WDR7: variants seen among roughly 807,000 people sequenced by gnomAD.
WDR7 encodes WD repeat-containing protein 7.
In WDR7, 46 loss-of-function variants were observed where a neutral mutation model predicts 169.4. The ratio of observed to expected loss-of-function variants is 0.27; its 90% CI spans 0.21 to 0.35. The LOEUF (loss-of-function observed/expected upper bound fraction) is 0.35, where lower values mean the gene tolerates loss of function less well. WDR7 is among the 10% of genes least tolerant of loss of function. WDR7 has a pLI of 1.00. For missense variants in WDR7, 1,534 were observed against 1,859.3 expected (o/e 0.83, Z 3.22); for synonymous variants, 612 against 666.8 (o/e 0.92, Z 1.27).
chr18:56,836,957 C>T (rs1297606627), intron 20 of WDR7, among the ~76,000 whole-genome samples: 3 of 152,140 alleles, frequency 2.0e-5, no homozygotes, highest in Non-Finnish European at 4.4e-5. Flanking sequence ...TCAAAGATGA[C>T]TTCTCAGAGC....
At chr18:56,779,597 T>G (rs2044289100) in intron 18 of WDR7, 48 bp downstream of exon 18, 1 of 1,441,858 alleles carries the variant, frequency 6.9e-7, no homozygotes, top group Non-Finnish European at 9.7e-7. Context: ...TAAAAAGGCA[T>G]TGGTCAAATG....
At chr18:56,978,301 A>G (rs1288553254) in intron 26 of WDR7, among the ~76,000 whole-genome samples, 1 of 152,148 alleles carries the variant, frequency 6.6e-6, no homozygotes, top group Non-Finnish European at 1.5e-5. Flanking sequence ...GGATAAGACA[A>G]TTTTTTAAAA....
chr18:56,789,264 T>C (rs1599044703), intron 19 of WDR7, among the ~76,000 whole-genome samples: 2 of 152,382 alleles, frequency 1.3e-5, no homozygotes, highest in African/African-American at 4.8e-5. Context: ...TTAATAAGTC[T>C]TGAACATTAG....
At chr18:56,874,644 A>G (rs929813926) in intron 20 of WDR7, among the ~76,000 whole-genome samples, 1 of 152,146 alleles carries the variant, frequency 6.6e-6, no homozygotes, top group Non-Finnish European at 1.5e-5. Context: ...ATGTTTCATA[A>G]CTAAACTTTT....
chr18:56,686,045 A>C lies in WDR7; in HGVS notation c.597+13A>C. ...AAGTGACATGCAGGTGAGAAAAAGG[A>C]AACTGGGGTGATTTCTCTGTTTTTA... On this transcript the variant is annotated intron_variant, in intron 6 of 27. Transcript: ENST00000254442. The C allele has an allele frequency of 3.8e-6, 6 of 1,582,106 alleles. No individual in the cohort carries two copies. The highest frequency in any genetic ancestry group is 5.1e-6 in the Non-Finnish European group (6 of 1,169,394).
At chr18:56,772,485 T>G (rs1180950536) in intron 16 of WDR7, among the ~76,000 whole-genome samples, 2 of 151,932 alleles carry the variant, frequency 1.3e-5, no homozygotes, top group African/African-American at 4.8e-5. Flanking sequence ...TATCGAGGGG[T>G]TTAACTTAGA....
intron 1 of WDR7, among the ~76,000 whole-genome samples, chr18:56,666,797 G>T (rs520835): frequency 1.8e-4 from 27 of 151,836 alleles, no homozygotes; most frequent in Non-Finnish European, 8.8e-5. Flanking sequence ...GTGTGATCTT[G>T]AGAGAGTTGC....
In WDR7 at chr18:57,027,393, A is replaced by G; in HGVS notation, c.*186A>G. On this transcript the variant is annotated 3_prime_UTR_variant, in exon 28 of 28. Transcript: ENST00000254442. ...CAGAACCCGCTCGTGCCATCTGTCG[A>G]TTCAGAGGCACGCACACATGCTCTG... The G allele has an allele frequency of 1.5e-6, 1 of 685,672 alleles. No homozygotes were observed. Among genetic ancestry groups the G allele is most frequent in the Non-Finnish European group, 2.4e-6 (1 of 414,866 alleles). 42.5% of individuals were successfully genotyped at this position (685,672 alleles called of 1,614,324 possible). A position where few individuals can be genotyped will look rare whatever the true frequency, so the allele number is the denominator to read the frequency against.
intron 14 of WDR7, among the ~76,000 whole-genome samples, chr18:56,743,608 G>C (rs2043653616): frequency 1.3e-5 from 2 of 152,202 alleles, no homozygotes; most frequent in Admixed American, 6.5e-5. Flanking sequence ...GTCTTCCCAG[G>C]ATGTTGGAAG....
chr18:56,886,220 G>GT (rs1251259011), intron 21 of WDR7, among the ~76,000 whole-genome samples: 1 of 152,182 alleles, frequency 6.6e-6, no homozygotes, highest in Non-Finnish European at 1.5e-5. Context: ...CTTAAGAGCT[G>GT]TGAGGCAAAA....
At chr18:56,658,949 C>A (rs2024840507) in intron 1 of WDR7, among the ~76,000 whole-genome samples, 1 of 152,112 alleles carries the variant, frequency 6.6e-6, no homozygotes, top group Non-Finnish European at 1.5e-5. Context: ...AACTCCTGAT[C>A]TTGTGATCTG....
chr18:56,740,276 G>C (rs2043597031), intron 14 of WDR7, among the ~76,000 whole-genome samples: 1 of 151,844 alleles, frequency 6.6e-6, no homozygotes, highest in Non-Finnish European at 1.5e-5. Flanking sequence ...TCAGTTATCT[G>C]CTGAAATTCT....
chr18:56,729,698 C>T (rs1053866356), intron 13 of WDR7, among the ~76,000 whole-genome samples: 48 of 152,074 alleles, frequency 3.2e-4, no homozygotes, highest in African/African-American at 1.1e-3. Flanking sequence ...CATTTATAAC[C>T]CAACCACACA....
rs537608784 is a variant in WDR7 at position 56,940,275 on chromosome 18, A to G, written c.4064+882A>G. ...GTAGTAGAAAGCTTCATTTTAGACTACAGCTTTCCTGAGAGCAATGGCATT... is the reference window on the plus strand; with the variant it reads ...GTAGTAGAAAGCTTCATTTTAGACTGCAGCTTTCCTGAGAGCAATGGCATT... On this transcript the variant is annotated intron_variant, in intron 25 of 27. Coordinates refer to ENST00000254442, the MANE Select transcript of WDR7 (RefSeq NM_015285.3). 6.6e-4 allele frequency among the ~76,000 whole-genome samples: 101 copies of G among 152,306 alleles called. 1 individual carries two copies. Among genetic ancestry groups the G allele is most frequent in the African/African-American group, 2.3e-3 (96 of 41,560 alleles).
intron 27 of WDR7, among the ~76,000 whole-genome samples, chr18:57,022,956 G>C (rs1252242036): frequency 6.6e-6 from 1 of 152,194 alleles, no homozygotes; most frequent in East Asian, 1.9e-4. Flanking sequence ...CCTACTCCAA[G>C]GGCTGCTTCC....
chr18:56,925,345 G>A (rs993044344), intron 22 of WDR7, among the ~76,000 whole-genome samples: 5 of 152,176 alleles, frequency 3.3e-5, no homozygotes, highest in African/African-American at 4.8e-5. Flanking sequence ...GGAACCACCA[G>A]ACTGTTTTCC....
At position 56,758,971 on chromosome 18, in the gene WDR7, T is replaced by G. The variant is rs752303331; in HGVS notation, c.2848+18T>G. The G allele has an allele frequency of 1.1e-5, 17 of 1,588,956 alleles. No individual in the cohort carries two copies. In the South Asian group the frequency reaches 1.6e-4, roughly 15 times the overall value. On this transcript the variant is annotated intron_variant, in intron 16 of 27. Coordinates refer to ENST00000254442, the MANE Select transcript of WDR7 (RefSeq NM_015285.3). Reference sequence around the variant, plus strand: ...TAAACAAGGTAAAATTAAATCTTATTAAGTAATTGACATGACATTTCAGCT... The same window carrying G: ...TAAACAAGGTAAAATTAAATCTTATGAAGTAATTGACATGACATTTCAGCT...
chr18:56,860,699 TA>T (rs1158138974), intron 20 of WDR7, among the ~76,000 whole-genome samples: 1 of 150,086 alleles, frequency 6.7e-6, no homozygotes, highest in Non-Finnish European at 1.5e-5. Context: ...TAATCTTAGT[TA>T]AAAAAATGTC....
intron 26 of WDR7, among the ~76,000 whole-genome samples, chr18:56,979,602 G>T (rs1347438625): frequency 2.0e-5 from 3 of 152,180 alleles, no homozygotes; most frequent in African/African-American, 7.2e-5. Flanking sequence ...ACAGAATTCA[G>T]GATGCCCCTA....
Sources: allele counts gnomAD v4.1 joint callset (sites outside exome capture counted in the v4.1 genomes callset), GRCh38; gene constraint gnomAD v4.1.1; transcripts MANE v1.5; gene names NCBI Gene and HGNC (gene_info 2026-07-23, HGNC 2026-07-21).